DNAH7: variants seen among roughly 807,000 people sequenced by gnomAD.
The protein encoded by DNAH7 is axonemal beta dynein heavy chain 7.
A neutral mutation model predicts 444.6 loss-of-function variants in DNAH7; 397 were observed. The observed-to-expected ratio is 0.89, with a 90% CI of 0.82 to 0.97. The LOEUF is 0.97. Ranked by LOEUF, DNAH7 falls within the 50% of genes least tolerant of loss-of-function variation. The pLI is 0.00. For synonymous variants in DNAH7, 1,636 were observed against 1,624.4 expected (o/e 1.01, Z -0.17); for missense variants, 4,902 against 4,800.8 (o/e 1.02, Z -0.62).
intron 58 of DNAH7, among the ~76,000 whole-genome samples, chr2:195,780,585 C>T (rs1695322877): frequency 6.6e-6 from 1 of 151,900 alleles, no homozygotes; most frequent in South Asian, 2.1e-4. Context: ...CCCATCTCTA[C>T]TAAAAATACA....
chr2:196,062,867 G>A (rs1007595282), intron 1 of DNAH7, among the ~76,000 whole-genome samples: 2 of 151,744 alleles, frequency 1.3e-5, no homozygotes, highest in Non-Finnish European at 1.5e-5. Flanking sequence ...GCTGTTAATG[G>A]CAGCATGGTT....
chr2:195,872,508 G>A (rs1242447744), intron 39 of DNAH7, 39 bp from the exon 40 acceptor site: 1 of 1,392,308 alleles, frequency 7.2e-7, no homozygotes, highest in South Asian at 1.4e-5. Context: ...GAAAATGTTA[G>A]CAATTATAGA....
At chr2:195,775,509 A>C (rs1047500969) in intron 60 of DNAH7, among the ~76,000 whole-genome samples, 3 of 152,124 alleles carry the variant, frequency 2.0e-5, no homozygotes, top group African/African-American at 7.2e-5. Flanking sequence ...GTATCTTTGC[A>C]ATTCTTCTTC....
intron 40 of DNAH7, among the ~76,000 whole-genome samples, chr2:195,866,031 G>A (rs917714092): frequency 5.9e-5 from 9 of 152,224 alleles, no homozygotes; most frequent in Admixed American, 2.0e-4. Context: ...TTTGTTAATG[G>A]CCAACTAATA....
rs1200728686 is a variant in DNAH7 at position 195,783,950 on chromosome 2, T to A, written c.10878+3060A>T. On this transcript the variant is annotated intron_variant, in intron 58 of 64. Transcript: ENST00000312428. ...TTAAGACTATTTTTAAAGAACAGTT[T>A]TAGGTTCACAACAAAACGGAACAAA... Among the ~76,000 whole-genome samples the A allele has an allele frequency of 5.3e-5, 8 of 152,260 alleles. No individual in the cohort carries two copies. The East Asian group carries it at 7.7e-4, about 15-fold the overall frequency.
intron 12 of DNAH7, among the ~76,000 whole-genome samples, chr2:195,996,084 A>G (rs553277320): frequency 1.3e-5 from 2 of 152,348 alleles, no homozygotes; most frequent in South Asian, 2.1e-4. Flanking sequence ...CAGTGCTTGC[A>G]CTGTTCACTG....
At chr2:195,889,047 T>A in intron 31 of DNAH7, 66 bp from the exon 32 acceptor site, 1 of 1,425,212 alleles carries the variant, frequency 7.0e-7, no homozygotes, top group Admixed American at 2.2e-5. Context: ...AACAGTTCAA[T>A]AATATTATTT....
intron 44 of DNAH7, 95 bp from the exon 45 acceptor site, chr2:195,856,086 T>A: frequency 1.8e-6 from 2 of 1,111,092 alleles, no homozygotes; most frequent in Non-Finnish European, 2.5e-6. Flanking sequence ...TTACTATAAC[T>A]GAAAACACTT....
At chr2:195,919,270 C>A (rs1687876545) in intron 24 of DNAH7, among the ~76,000 whole-genome samples, 1 of 150,884 alleles carries the variant, frequency 6.6e-6, no homozygotes, top group Non-Finnish European at 1.5e-5. Flanking sequence ...ATGGAAGAAA[C>A]TGGGTGGGAT....
At position 195,816,804 on chromosome 2, in the gene DNAH7, C is replaced by T. The variant is rs1024054112; in HGVS notation, c.9585G>A (p.Lys3195=). The change falls in exon 51 of 65, where the codon AAG becomes AAA. Residue 3195 remains lysine (K), a synonymous_variant. Transcript: ENST00000312428. ...GATAGCCCATGCGGGTGGTGTCAATCTTTTTCTCTGTCTCTTCGGCTACTT... is the reference window on the plus strand; with the variant it reads ...GATAGCCCATGCGGGTGGTGTCAATTTTTTTCTCTGTCTCTTCGGCTACTT... ...KQEVAEETEK[K]IDTTRMGYRP... 6.2e-7 allele frequency: 1 copy of T among 1,614,126 alleles called. No individual in the cohort carries two copies. The highest frequency in any genetic ancestry group is 8.5e-7 in the Non-Finnish European group (1 of 1,180,004).
Position 195,855,903 on chromosome 2 carries a change from G to C in DNAH7, c.8503C>G (p.Gln2835Glu), listed in dbSNP as rs754172857. 3.7e-6 allele frequency: 6 copies of C among 1,614,028 alleles called. No individual in the cohort carries two copies. The highest frequency in any genetic ancestry group is 4.2e-6 in the Non-Finnish European group (5 of 1,179,956). The change falls in exon 45 of 65, where the codon CAG becomes GAG. Residue 2835 changes from glutamine (Q) to glutamate (E), a missense_variant. Transcript: ENST00000312428. Reference protein sequence around the residue: ...KIAMDGLRKKQAALKEVQDKL... With the variant: ...KIAMDGLRKKEAALKEVQDKL... ...TCCTGAACTTCCTTAAGGGCTGCCT[G>C]CTTCTTTCTAAGACCATCCATGGCA... is the stretch of plus-strand genomic sequence containing the variant.
chr2:195,933,553 G>A (rs1461689772), intron 21 of DNAH7, among the ~76,000 whole-genome samples: 2 of 152,100 alleles, frequency 1.3e-5, no homozygotes, highest in African/African-American at 2.4e-5. Flanking sequence ...TATACACTAT[G>A]GAATACTATG....
intron 48 of DNAH7, among the ~76,000 whole-genome samples, chr2:195,829,479 A>C (rs1169064556): frequency 6.6e-6 from 1 of 152,072 alleles, no homozygotes; most frequent in Non-Finnish European, 1.5e-5. Flanking sequence ...AACAGATATC[A>C]ATTTCTCATT....
intron 63 of DNAH7, among the ~76,000 whole-genome samples, chr2:195,752,270 C>CAA (rs67890551): frequency 0.087 from 11,549 of 132,558 alleles, 505 homozygotes; most frequent in African/African-American, 0.11. Flanking sequence ...GACCCTATCT[C>CAA]AAAAAAAAAA....
In DNAH7 at chr2:195,936,643, A is replaced by G; in HGVS notation, c.3228T>C (p.Asn1076=). The change falls in exon 20 of 65, where the codon AAT becomes AAC. Residue 1076 remains asparagine, a synonymous_variant. Coordinates refer to ENST00000312428, the MANE Select transcript of DNAH7 (RefSeq NM_018897.3). Reference sequence around the variant, plus strand: ...CAGATAGTATCTCAAGAAGTTCATCATTGGACAAAAAAAAGAATCTGGGGA... The same window carrying G: ...CAGATAGTATCTCAAGAAGTTCATCGTTGGACAAAAAAAAGAATCTGGGGA... The part of the protein sequence containing the change: ...LFFPRFFFLS[N]DELLEILSET... The G allele has an allele frequency of 6.2e-7, 1 of 1,606,640 alleles. No individual in the cohort carries two copies. Among genetic ancestry groups the G allele is most frequent in the East Asian group, 2.2e-5 (1 of 44,590 alleles).
chr2:196,028,075 A>T, intron 5 of DNAH7, 28 bp from the exon 6 acceptor site: 2 of 1,585,532 alleles, frequency 1.3e-6, no homozygotes, highest in African/African-American at 1.4e-5. Context: ...ATACTATTCA[A>T]AAGTAGATAA....
At chr2:196,027,500 A>C (rs528311089) in intron 6 of DNAH7, among the ~76,000 whole-genome samples, 4 of 152,154 alleles carry the variant, frequency 2.6e-5, no homozygotes, top group African/African-American at 9.6e-5. Context: ...ACAAATTTTT[A>C]CATGTCACTT....
In DNAH7 at chr2:195,864,700, C is replaced by G. The variant is rs748792573; in HGVS notation, c.6955G>C (p.Ala2319Pro). Residue 2319 changes from alanine (A) to proline (P), a missense_variant, in exon 41 of 65, where the codon GCC becomes CCC. Coordinates refer to ENST00000312428, the MANE Select transcript of DNAH7 (RefSeq NM_018897.3). ...KPMNLVLFRF[A>P]IEHISRISRI... ...GAAATTCTGCTGATGTGCTCTATGG[C>G]AAATCGAAACAAGACAAGGTTCATG... 8 of 1,614,138 alleles carry G rather than the reference C, an allele frequency of 5.0e-6. No individual in the cohort carries two copies. In the South Asian group the frequency reaches 6.6e-5, roughly 13 times the overall value.
At chr2:195,968,436 G>A (rs1238566429) in intron 17 of DNAH7, among the ~76,000 whole-genome samples, 5 of 152,088 alleles carry the variant, frequency 3.3e-5, no homozygotes, top group Admixed American at 6.5e-5. Context: ...GCCCGAAATG[G>A]GGGCCTCACA....
Sources: gnomAD v4.1 joint callset for allele counts (sites outside exome capture counted in the v4.1 genomes callset) on GRCh38, gnomAD v4.1.1 for gene constraint, MANE v1.5 for transcripts, NCBI Gene and HGNC (gene_info 2026-07-23, HGNC 2026-07-21) for gene names.